Variants in TTC29 observed in about 807,000 individuals in gnomAD.
TTC29 encodes tetratricopeptide repeat domain 29.
Under a neutral mutation model 58.1 loss-of-function variants are expected in TTC29, and 49 were observed. That is an observed-to-expected ratio of 0.84 (90% CI 0.67 to 1.07). The LOEUF is 1.07. Ranked by LOEUF, TTC29 falls within the 50% of genes least tolerant of loss-of-function variation. The pLI is 0.00. For synonymous variants in TTC29, 209 were observed against 196.8 expected (o/e 1.06, Z -0.52); for missense variants, 582 against 555.6 (o/e 1.05, Z -0.48).
At chr4:146,813,898 C>T (rs1751198927) in intron 10 of TTC29, among the ~76,000 whole-genome samples, 1 of 152,134 alleles carries the variant, frequency 6.6e-6, no homozygotes, top group Non-Finnish European at 1.5e-5. Flanking sequence ...GCAGGAGAAT[C>T]ACGTGAACCC....
chr4:146,790,666 C>A (rs560830280), intron 11 of TTC29, among the ~76,000 whole-genome samples: 1 of 152,112 alleles, frequency 6.6e-6, no homozygotes, highest in Non-Finnish European at 1.5e-5. Context: ...TGTTGAAAAG[C>A]CAGATACTCA....
At chr4:146,889,872 T>C (rs944559901) in intron 6 of TTC29, among the ~76,000 whole-genome samples, 3 of 152,274 alleles carry the variant, frequency 2.0e-5, no homozygotes, top group East Asian at 1.9e-4. Flanking sequence ...ATATGAGATA[T>C]TAGTTTTTGA....
intron 8 of TTC29, among the ~76,000 whole-genome samples, chr4:146,847,235 T>C (rs1729232226): frequency 6.6e-6 from 1 of 152,154 alleles, no homozygotes; most frequent in Admixed American, 6.5e-5. Flanking sequence ...TCTGGGATCT[T>C]AGGGGAAGCG....
chr4:146,878,326 G>C (rs986777781), intron 6 of TTC29, among the ~76,000 whole-genome samples: 1 of 152,170 alleles, frequency 6.6e-6, no homozygotes. Flanking sequence ...TGAGGACGGA[G>C]CCTGAGATGC....
intron 6 of TTC29, among the ~76,000 whole-genome samples, chr4:146,891,026 G>A (rs553087014): frequency 6.6e-6 from 1 of 152,084 alleles, no homozygotes; most frequent in Middle Eastern, 3.4e-3. Flanking sequence ...GATACGGAAG[G>A]GAAAGTACAA....
intron 8 of TTC29, among the ~76,000 whole-genome samples, chr4:146,849,490 T>C (rs1013157019): frequency 3.9e-5 from 6 of 152,180 alleles, no homozygotes; most frequent in Non-Finnish European, 7.4e-5. Flanking sequence ...TACAGGGACA[T>C]TCATCGCAGC....
chr4:146,917,617 A>C (rs114660132), intron 4 of TTC29, among the ~76,000 whole-genome samples: 33,616 of 142,456 alleles, frequency 0.24, 5,241 homozygotes, highest in African/African-American at 0.43. Context: ...TTTATAATAT[A>C]TAATTAGATA....
rs191582606 is a variant in TTC29 at position 146,929,553 on chromosome 4, G to A, written c.176+8041C>T. ...CTAATTTTATATACATGTCTAAGTC[G>A]ACAGACTTGGCCTAAGGATGCCTCC... On this transcript the variant is annotated intron_variant, in intron 4 of 12. Coordinates refer to ENST00000325106, the MANE Select transcript of TTC29 (RefSeq NM_031956.4). Among the ~76,000 whole-genome samples, 19 of 152,270 alleles carry A rather than the reference G, an allele frequency of 1.2e-4. No individual in the cohort carries two copies. The East Asian group carries it at 3.5e-3, about 28-fold the overall frequency.
At chr4:146,772,005 G>A (rs1285863406) in intron 11 of TTC29, among the ~76,000 whole-genome samples, 1 of 152,166 alleles carries the variant, frequency 6.6e-6, no homozygotes, top group Non-Finnish European at 1.5e-5. Context: ...AATGATTAGT[G>A]ATGGTGAGCA....
At chr4:146,715,292 T>C (rs1742848031) in intron 11 of TTC29, among the ~76,000 whole-genome samples, 1 of 152,138 alleles carries the variant, frequency 6.6e-6, no homozygotes. Context: ...ATAAATACAT[T>C]AAAGGGATAC....
chr4:146,821,277 G>A (rs929583489), intron 9 of TTC29, among the ~76,000 whole-genome samples: 15 of 152,052 alleles, frequency 9.9e-5, no homozygotes, highest in African/African-American at 3.4e-4. Flanking sequence ...ATTAGATAGC[G>A]GCCATGGTTG....
intron 5 of TTC29, among the ~76,000 whole-genome samples, chr4:146,905,015 A>G (rs376237161): frequency 3.3e-5 from 5 of 152,186 alleles, no homozygotes; most frequent in South Asian, 4.1e-4. Flanking sequence ...ACAAAATAAA[A>G]AGGTCTCCCT....
intron 8 of TTC29, among the ~76,000 whole-genome samples, chr4:146,857,736 G>A (rs1729964688): frequency 1.3e-5 from 2 of 151,846 alleles, no homozygotes; most frequent in South Asian, 2.1e-4. Flanking sequence ...TTTCTAACTG[G>A]TGAGTAAAGA....
intron 11 of TTC29, among the ~76,000 whole-genome samples, chr4:146,776,426 G>A (rs376417583): frequency 2.0e-5 from 3 of 151,446 alleles, no homozygotes; most frequent in Non-Finnish European, 4.4e-5. Context: ...CTTTGAAGCT[G>A]CTGTCCTTTG....
At chr4:146,845,514 T>C (rs1309205659) in intron 8 of TTC29, among the ~76,000 whole-genome samples, 1 of 152,152 alleles carries the variant, frequency 6.6e-6, no homozygotes, top group African/African-American at 2.4e-5. Context: ...ACCAATAATA[T>C]CAGTTATCAG....
chr4:146,784,148 A>T (rs1748828608), intron 11 of TTC29, among the ~76,000 whole-genome samples: 1 of 151,660 alleles, frequency 6.6e-6, no homozygotes, highest in Admixed American at 6.6e-5. Context: ...CATAAACTAT[A>T]TAATAGGAGG....
intron 11 of TTC29, among the ~76,000 whole-genome samples, chr4:146,794,332 A>C (rs1483325656): frequency 6.6e-6 from 1 of 152,110 alleles, no homozygotes; most frequent in East Asian, 1.9e-4. Flanking sequence ...TCTTTTGCTC[A>C]CATTGTATTC....
At chr4:146,863,189 CAT>C (rs1730356127) in intron 8 of TTC29, among the ~76,000 whole-genome samples, 1 of 151,806 alleles carries the variant, frequency 6.6e-6, no homozygotes, top group African/African-American at 2.4e-5. Context: ...GAAATATCTG[CAT>C]AGAGTTCTCT....
At chr4:146,866,835 G>A (rs867270639) in intron 8 of TTC29, among the ~76,000 whole-genome samples, 1 of 152,112 alleles carries the variant, frequency 6.6e-6, no homozygotes, top group Non-Finnish European at 1.5e-5. Flanking sequence ...TATTATAAGA[G>A]ATGTAGGTGA....
Sources: gnomAD v4.1 joint callset for allele counts (sites outside exome capture counted in the v4.1 genomes callset) on GRCh38, gnomAD v4.1.1 for gene constraint, MANE v1.5 for transcripts, NCBI Gene and HGNC (gene_info 2026-07-23, HGNC 2026-07-21) for gene names.